CNTNAP2: variants seen among roughly 807,000 people sequenced by gnomAD.
CNTNAP2 encodes contactin associated protein 2.
Under a neutral mutation model 155.2 loss-of-function variants are expected in CNTNAP2, and 98 were observed. That is an observed-to-expected ratio of 0.63 (90% CI 0.54 to 0.75). CNTNAP2 has a LOEUF of 0.75. Among genes scored for constraint, CNTNAP2 ranks in the 30% least tolerant of loss-of-function variants. The pLI is 0.00. For missense variants in CNTNAP2, 1,727 were observed against 1,688.1 expected (o/e 1.02, Z -0.40); for synonymous variants, 651 against 631.2 (o/e 1.03, Z -0.47).
At chr7:147,641,447 T>C (rs1795277209) in intron 13 of CNTNAP2, among the ~76,000 whole-genome samples, 1 of 152,106 alleles carries the variant, frequency 6.6e-6, no homozygotes, top group South Asian at 2.1e-4. Context: ...TTACAATACC[T>C]GGTGAGATAA....
intron 11 of CNTNAP2, among the ~76,000 whole-genome samples, chr7:147,544,117 A>T (rs530966364): frequency 3.5e-4 from 54 of 152,284 alleles, no homozygotes; most frequent in Admixed American, 2.6e-3. Context: ...CTTTGAGGTA[A>T]CCTATTACCA....
rs748265332 is a variant in CNTNAP2, at chr7:146,774,435, A to T, written c.208+54A>T. ...TAAACATGTTAAATAAGAACATGTTATATTTATAGCCATATATATATATAA... is the reference window on the plus strand; with the variant it reads ...TAAACATGTTAAATAAGAACATGTTTTATTTATAGCCATATATATATATAA... On this transcript the variant is annotated intron_variant, in intron 2 of 23. Transcript: ENST00000361727. 10 of 1,186,526 alleles carry T rather than the reference A, an allele frequency of 8.4e-6. No individual in the cohort carries two copies. In the East Asian group the frequency reaches 1.3e-4, roughly 15 times the overall value. 73.5% of individuals were successfully genotyped at this position (1,186,526 alleles called of 1,614,324 possible). A position where few individuals can be genotyped will look rare whatever the true frequency, so the allele number is the denominator to read the frequency against.
At chr7:146,273,681 G>A (rs375843166) in intron 1 of CNTNAP2, among the ~76,000 whole-genome samples, 1 of 152,092 alleles carries the variant, frequency 6.6e-6, no homozygotes, top group East Asian at 1.9e-4. Context: ...ATATATTTCT[G>A]TGGATCAAAG....
intron 1 of CNTNAP2, among the ~76,000 whole-genome samples, chr7:146,348,789 T>A (rs1794868017): frequency 6.7e-6 from 1 of 149,328 alleles, no homozygotes; most frequent in African/African-American, 2.4e-5. Context: ...AGATGTTTTT[T>A]AAAAAAATTC....
chr7:146,756,469 A>G (rs1262392678), intron 1 of CNTNAP2, among the ~76,000 whole-genome samples: 11 of 151,978 alleles, frequency 7.2e-5, no homozygotes, highest in Non-Finnish European at 1.3e-4. Flanking sequence ...ATAGCACTTG[A>G]TAGTATATGG....
intron 13 of CNTNAP2, among the ~76,000 whole-genome samples, chr7:147,807,625 T>C (rs1310453885): frequency 1.3e-5 from 2 of 152,164 alleles, no homozygotes; most frequent in African/African-American, 2.4e-5. Flanking sequence ...AGTGATTATA[T>C]TTCTTAGTAA....
intron 8 of CNTNAP2, among the ~76,000 whole-genome samples, chr7:147,169,710 A>T (rs1010783585): frequency 1.3e-5 from 2 of 152,146 alleles, no homozygotes; most frequent in African/African-American, 4.8e-5. Context: ...GAAGCCCACA[A>T]TCTGCCAAGA....
At chr7:147,952,271 C>T (rs12703983) in intron 14 of CNTNAP2, among the ~76,000 whole-genome samples, 4,961 of 17,744 alleles carry the variant, frequency 0.28, 1,793 homozygotes, top group East Asian at 0.62. Flanking sequence ...GGAGAAACCC[C>T]ATCTCTACTA....
At chr7:147,821,622 G>A (rs1361773102) in intron 13 of CNTNAP2, among the ~76,000 whole-genome samples, 3 of 152,158 alleles carry the variant, frequency 2.0e-5, no homozygotes, top group African/African-American at 7.2e-5. Context: ...AGATTGGAAT[G>A]CCAGGAAGGA....
chr7:146,720,777 A>T (rs191827387), intron 1 of CNTNAP2, among the ~76,000 whole-genome samples: 41 of 151,172 alleles, frequency 2.7e-4, no homozygotes, highest in Non-Finnish European at 2.7e-4. Context: ...TAGACTATGT[A>T]GAGGATGTAA....
At chr7:146,263,820 C>T (rs1209463697) in intron 1 of CNTNAP2, among the ~76,000 whole-genome samples, 1 of 152,174 alleles carries the variant, frequency 6.6e-6, no homozygotes, top group Non-Finnish European at 1.5e-5. Flanking sequence ...TCTCAATGTT[C>T]ACCCATTTAA....
chr7:148,280,111 C>T (rs552267550), intron 21 of CNTNAP2, among the ~76,000 whole-genome samples: 1 of 152,034 alleles, frequency 6.6e-6, no homozygotes, highest in Admixed American at 6.6e-5. Context: ...GAGTTCGAGA[C>T]CAGCCTGGCC....
At chr7:147,445,210 G>T (rs1797713253) in intron 10 of CNTNAP2, among the ~76,000 whole-genome samples, 1 of 152,196 alleles carries the variant, frequency 6.6e-6, no homozygotes, top group Non-Finnish European at 1.5e-5. Context: ...AGCAGGGACA[G>T]GTGCCCTCCT....
chr7:147,198,064 A>G (rs565775559), intron 8 of CNTNAP2, among the ~76,000 whole-genome samples: 1 of 152,172 alleles, frequency 6.6e-6, no homozygotes, highest in Admixed American at 6.5e-5. Context: ...CAAATGAAAA[A>G]CTTGATTATT....
intron 1 of CNTNAP2, among the ~76,000 whole-genome samples, chr7:146,202,201 T>A (rs540619106): frequency 2.0e-5 from 3 of 152,204 alleles, no homozygotes; most frequent in South Asian, 2.1e-4. Flanking sequence ...CAAATTGGTA[T>A]ATTTTCATGC....
intron 13 of CNTNAP2, among the ~76,000 whole-genome samples, chr7:147,761,617 T>C (rs1797299581): frequency 6.6e-6 from 1 of 152,186 alleles, no homozygotes; most frequent in Non-Finnish European, 1.5e-5. Flanking sequence ...TTGTCACAGA[T>C]GCTGTACTCG....
chr7:146,658,777 C>G (rs1342859907), intron 1 of CNTNAP2, among the ~76,000 whole-genome samples: 1 of 152,142 alleles, frequency 6.6e-6, no homozygotes, highest in Admixed American at 6.5e-5. Context: ...TCACAATGCA[C>G]AGTGTGAAAA....
intron 1 of CNTNAP2, among the ~76,000 whole-genome samples, chr7:146,320,519 T>G (rs1405399955): frequency 1.3e-5 from 2 of 152,174 alleles, no homozygotes; most frequent in Non-Finnish European, 2.9e-5. Flanking sequence ...CATGTTACGG[T>G]TACAATGTGA....
intron 13 of CNTNAP2, among the ~76,000 whole-genome samples, chr7:147,900,458 G>T (rs116878373): frequency 6.6e-6 from 1 of 151,884 alleles, no homozygotes; most frequent in Non-Finnish European, 1.5e-5. Flanking sequence ...ACCCTTCTTC[G>T]TCTGCCATGA....
Sources: allele counts gnomAD v4.1 joint callset (sites outside exome capture counted in the v4.1 genomes callset), GRCh38; gene constraint gnomAD v4.1.1; transcripts MANE v1.5; gene names NCBI Gene and HGNC (gene_info 2026-07-23, HGNC 2026-07-21).